Variants in MAD1L1 observed in about 807,000 individuals in gnomAD.
MAD1L1 encodes mitotic arrest deficient 1 like 1, also known as mitotic spindle assembly checkpoint protein MAD1.
A neutral mutation model predicts 96.9 loss-of-function variants in MAD1L1; 95 were observed. The ratio of observed to expected loss-of-function variants is 0.98; its 90% CI spans 0.83 to 1.16. The LOEUF is 1.16. Among genes scored for constraint, MAD1L1 ranks in the 50% most tolerant of loss-of-function variants. The pLI, the probability that MAD1L1 is intolerant of heterozygous loss-of-function variation, is 0.00. For synonymous variants in MAD1L1, 473 were observed against 396.6 expected (o/e 1.19, Z -2.29); for missense variants, 1,007 against 954.4 (o/e 1.06, Z -0.73).
intron 18 of MAD1L1, among the ~76,000 whole-genome samples, chr7:1,819,289 T>C (rs1348838128): frequency 2.0e-5 from 3 of 152,336 alleles, no homozygotes; most frequent in Non-Finnish European, 4.4e-5. Flanking sequence ...GCGCAGGCTC[T>C]GGCTTCCTCT....
chr7:2,220,821 T>C, intron 5 of MAD1L1: 2 of 1,480,248 alleles, frequency 1.4e-6, no homozygotes, highest in Middle Eastern at 1.8e-4. Flanking sequence ...AAGAAAGGTA[T>C]TAAAAACATA....
intron 11 of MAD1L1, among the ~76,000 whole-genome samples, chr7:2,111,373 G>A (rs746882687): frequency 1.6e-4 from 24 of 152,228 alleles, no homozygotes; most frequent in Non-Finnish European, 3.1e-4. Flanking sequence ...TTTCGAGACC[G>A]TGGCTGCTCA....
At chr7:1,957,976 C>G (rs1053665782) in intron 15 of MAD1L1, among the ~76,000 whole-genome samples, 1 of 152,238 alleles carries the variant, frequency 6.6e-6, no homozygotes, top group South Asian at 2.1e-4. Flanking sequence ...TCTCTGTCGA[C>G]CACACCTTGG....
intron 18 of MAD1L1, among the ~76,000 whole-genome samples, chr7:1,857,687 A>C (rs1784325802): frequency 6.6e-6 from 1 of 152,178 alleles, no homozygotes; most frequent in Non-Finnish European, 1.5e-5. Context: ...TGGAGCAAAA[A>C]AGAGGACACA....
intron 16 of MAD1L1, among the ~76,000 whole-genome samples, chr7:1,954,128 C>T (rs142522575): frequency 2.9e-4 from 44 of 152,284 alleles, no homozygotes; most frequent in African/African-American, 1.0e-3. Flanking sequence ...GAACCACAGA[C>T]GTGGAAAACG....
intron 15 of MAD1L1, among the ~76,000 whole-genome samples, chr7:1,969,754 C>A (rs1237862886): frequency 6.6e-6 from 1 of 152,204 alleles, no homozygotes; most frequent in South Asian, 2.1e-4. Flanking sequence ...ATCAAGAAAA[C>A]AATTCCATTC....
intron 3 of MAD1L1, among the ~76,000 whole-genome samples, chr7:2,227,380 T>G (rs1265334474): frequency 6.6e-6 from 1 of 151,916 alleles, no homozygotes; most frequent in African/African-American, 2.4e-5. Flanking sequence ...CAGAGTAGAG[T>G]GGTGGTTCCC....
At chr7:2,162,619 T>C (rs1790211853) in intron 10 of MAD1L1, among the ~76,000 whole-genome samples, 1 of 133,376 alleles carries the variant, frequency 7.5e-6, no homozygotes, top group Non-Finnish European at 1.6e-5. Flanking sequence ...AAAAACCAAC[T>C]TAAAGGGGTA....
At chr7:1,839,974 C>T (rs940330820) in intron 18 of MAD1L1, among the ~76,000 whole-genome samples, 4 of 152,338 alleles carry the variant, frequency 2.6e-5, no homozygotes, top group East Asian at 1.9e-4. Flanking sequence ...CGTGCCCAGG[C>T]GGAGCAGGAC....
chr7:2,078,250 C>T (rs1030011603), intron 11 of MAD1L1, among the ~76,000 whole-genome samples: 3 of 152,182 alleles, frequency 2.0e-5, no homozygotes, highest in Non-Finnish European at 4.4e-5. Flanking sequence ...GAGAGGGTCC[C>T]GCCTACCTGC....
chr7:1,998,740 C>T (rs1011963786), intron 14 of MAD1L1, among the ~76,000 whole-genome samples: 11 of 151,482 alleles, frequency 7.3e-5, no homozygotes, highest in African/African-American at 2.2e-4. Flanking sequence ...CCCTGCCAAC[C>T]CCCCGCCAAG....
Position 2,088,567 on chromosome 7 carries a change from G to T in MAD1L1, c.1074-19229C>A, listed in dbSNP as rs1786048129. On this transcript the variant is annotated intron_variant, in intron 11 of 18. Coordinates refer to ENST00000265854, the MANE Select transcript of MAD1L1 (RefSeq NM_001013836.2). This position sits in a 1 kb window ranked among gnomAD's most constrained non-coding sequence, Gnocchi z 4.4. Reference sequence around the variant, plus strand: ...GCACATCCATCTCCCTGGGAGGCCGGGGAGATCAGGACGGTGTGGCACAGC... The same window carrying T: ...GCACATCCATCTCCCTGGGAGGCCGTGGAGATCAGGACGGTGTGGCACAGC... Among the ~76,000 whole-genome samples the T allele has an allele frequency of 6.6e-6, 1 of 152,216 alleles. No homozygotes were observed. The highest frequency in any genetic ancestry group is 2.4e-5 in the African/African-American group (1 of 41,446).
chr7:2,191,110 C>A (rs1295980214), intron 10 of MAD1L1, among the ~76,000 whole-genome samples: 1 of 152,222 alleles, frequency 6.6e-6, no homozygotes, highest in African/African-American at 2.4e-5. Flanking sequence ...ATACAAGCAA[C>A]AAATGTGAAT....
At chr7:1,844,524 C>T (rs925072774) in intron 18 of MAD1L1, among the ~76,000 whole-genome samples, 2 of 152,114 alleles carry the variant, frequency 1.3e-5, no homozygotes, top group African/African-American at 2.4e-5. Flanking sequence ...GGGGCAGAGG[C>T]GGCCCAGGGA....
At chr7:1,902,789 C>G (rs531092782) in intron 17 of MAD1L1, among the ~76,000 whole-genome samples, 2 of 152,132 alleles carry the variant, frequency 1.3e-5, no homozygotes, top group Admixed American at 6.5e-5. Flanking sequence ...GACGATCTTG[C>G]GGAACTCATG....
chr7:2,038,926 A>T (rs1352485980), intron 12 of MAD1L1, among the ~76,000 whole-genome samples: 1 of 152,214 alleles, frequency 6.6e-6, no homozygotes, highest in Non-Finnish European at 1.5e-5. Flanking sequence ...ATCTGGCACA[A>T]CTACAGCACA....
rs576597949 is a variant in MAD1L1 at position 2,146,878 on chromosome 7, C to T, written c.1073+2274G>A. Among the ~76,000 whole-genome samples the T allele has an allele frequency of 1.3e-5, 2 of 152,334 alleles. No homozygotes were observed. The highest frequency in any genetic ancestry group is 2.1e-4 in the South Asian group (1 of 4,824). The stretch of plus-strand genomic sequence containing the variant: ...GCAGGCCGCGACGAACACGGTGTCC[C>T]GCCACGGAAGAGAGCAGCAGCCCAG... On this transcript the variant is annotated intron_variant, in intron 11 of 18. Transcript: ENST00000265854. This position sits in a 1 kb window ranked among gnomAD's most constrained non-coding sequence, Gnocchi z 6.2.
At chr7:1,868,344 C>T (rs1159062670) in intron 18 of MAD1L1, among the ~76,000 whole-genome samples, 2 of 152,182 alleles carry the variant, frequency 1.3e-5, no homozygotes, top group African/African-American at 2.4e-5. Flanking sequence ...GTGGAGGCAG[C>T]GTGGACTTCC....
At chr7:2,037,031 T>G (rs1017578939) in intron 12 of MAD1L1, among the ~76,000 whole-genome samples, 2 of 150,542 alleles carry the variant, frequency 1.3e-5, no homozygotes, top group East Asian at 3.9e-4. Flanking sequence ...GACCTCCACC[T>G]GCCGCATGCT....
Sources: allele counts gnomAD v4.1 joint callset (sites outside exome capture counted in the v4.1 genomes callset), GRCh38; gene constraint gnomAD v4.1.1; non-coding constraint Gnocchi (gnomAD v3.1); transcripts MANE v1.5; gene names NCBI Gene and HGNC (gene_info 2026-07-23, HGNC 2026-07-21).